CRTAC1: variants seen among roughly 807,000 people sequenced by gnomAD.
The protein encoded by CRTAC1 is cartilage acidic protein 1, also known as acidic secreted protein in cartilage.
CRTAC1 carries 37 observed loss-of-function variants against 67.8 expected under a neutral mutation model. The observed-to-expected ratio is 0.55, with a 90% CI of 0.42 to 0.72. The LOEUF (loss-of-function observed/expected upper bound fraction) is 0.72. Among genes scored for constraint, CRTAC1 ranks in the 30% least tolerant of loss-of-function variants. CRTAC1 has a pLI of 0.00. For synonymous variants in CRTAC1, 348 were observed against 371.0 expected (o/e 0.94, Z 0.71); for missense variants, 780 against 931.6 (o/e 0.84, Z 2.12).
chr10:97,953,989 G>T (rs1043824117), intron 2 of CRTAC1, among the ~76,000 whole-genome samples: 4 of 152,166 alleles, frequency 2.6e-5, no homozygotes, highest in Non-Finnish European at 5.9e-5. Flanking sequence ...TTCTCGGGAG[G>T]TGTAGCTGAA....
chr10:97,988,189 C>T (rs1042311045), intron 2 of CRTAC1, among the ~76,000 whole-genome samples: 1 of 149,174 alleles, frequency 6.7e-6, no homozygotes, highest in African/African-American at 2.5e-5. Context: ...TCTCAAGGCT[C>T]AGTTAATCTG....
intron 2 of CRTAC1, among the ~76,000 whole-genome samples, chr10:97,996,530 TGA>T (rs1294352993): frequency 6.6e-6 from 1 of 151,956 alleles, no homozygotes; most frequent in Non-Finnish European, 1.5e-5. Context: ...AAAACCACAA[TGA>T]GATACCATCT....
intron 2 of CRTAC1, among the ~76,000 whole-genome samples, chr10:97,980,611 G>A (rs1294041245): frequency 6.6e-6 from 1 of 152,210 alleles, no homozygotes; most frequent in African/African-American, 2.4e-5. Flanking sequence ...CGATCATGTA[G>A]TCCAACCTCC....
rs1564876059 is a variant in CRTAC1 at position 97,882,835 on chromosome 10, GGT to G, written c.1633-9_1633-8del. 13 of 1,614,018 alleles carry G rather than the reference GGT, an allele frequency of 8.1e-6. No individual in the cohort carries two copies. Among genetic ancestry groups the G allele is most frequent in the Non-Finnish European group, 1.0e-5 (12 of 1,179,962 alleles). The stretch of plus-strand genomic sequence containing the variant: ...GGGAGAATCCTTGGCCACACTGTAA[GGT>G]GGGCAGAAGCAGAGACATGAGTGAG... On this transcript the variant is annotated splice_polypyrimidine_tract_variant and splice_region_variant and intron_variant, in intron 12 of 14. Transcript: ENST00000370597.
chr10:97,971,553 A>G (rs1245434591), intron 2 of CRTAC1, among the ~76,000 whole-genome samples: 1 of 152,234 alleles, frequency 6.6e-6, no homozygotes, highest in Non-Finnish European at 1.5e-5. Context: ...ACAGTTTGGA[A>G]AGATGAAAAG....
chr10:97,884,431 A>T, intron 11 of CRTAC1, 80 bp from the exon 12 acceptor site: 1 of 1,283,574 alleles, frequency 7.8e-7, no homozygotes, highest in South Asian at 1.4e-5. Flanking sequence ...CAACTAATTC[A>T]TCCATTGAAT....
intron 2 of CRTAC1, among the ~76,000 whole-genome samples, chr10:97,965,252 ACT>A (rs1245870412): frequency 2.0e-5 from 3 of 152,180 alleles, no homozygotes; most frequent in African/African-American, 7.2e-5. Flanking sequence ...TTTGTATAGA[ACT>A]CTCTGTGTGC....
rs752042320 is a variant in CRTAC1 at position 97,895,327 on chromosome 10, C to T, written c.1404G>A (p.Lys468=). The change falls in exon 11 of 15, where the codon AAG becomes AAA. Residue 468 remains lysine (K), a synonymous_variant. Transcript: ENST00000370597. This position sits in a 1 kb window ranked among gnomAD's most constrained non-coding sequence, Gnocchi z 4.2. ...ARGAKVVLYT[K]KSGAHLRIID... ...TGATCCTCAGGTGGGCCCCACTCTT[C>T]TTGGTGTAGAGCACGACCTTAGCTC... 1 of 1,613,926 alleles carries T rather than the reference C, an allele frequency of 6.2e-7. No individual in the cohort carries two copies. The highest frequency in any genetic ancestry group is 1.1e-5 in the South Asian group (1 of 91,060).
intron 11 of CRTAC1, among the ~76,000 whole-genome samples, chr10:97,888,335 GA>G (rs1276520146): frequency 2.0e-5 from 3 of 152,344 alleles, no homozygotes; most frequent in Admixed American, 1.3e-4. Flanking sequence ...AAGAGTTTGT[GA>G]GGCGGAGAAG....
intron 4 of CRTAC1, among the ~76,000 whole-genome samples, chr10:97,920,969 CG>C (rs1238463728): frequency 6.6e-6 from 1 of 151,930 alleles, no homozygotes; most frequent in Non-Finnish European, 1.5e-5. Context: ...GTGGATGTTC[CG>C]GGTTTGGAGC....
chr10:97,879,608 C>A, intron 14 of CRTAC1: 1 of 1,500,396 alleles, frequency 6.7e-7, no homozygotes, highest in Non-Finnish European at 8.9e-7. Flanking sequence ...GAGAGAGAGA[C>A]AAGCAGCAGG....
At chr10:97,886,677 A>G (rs1309723458) in intron 11 of CRTAC1, among the ~76,000 whole-genome samples, 1 of 148,818 alleles carries the variant, frequency 6.7e-6, no homozygotes, top group Non-Finnish European at 1.5e-5. Context: ...TAGTATCTCA[A>G]TCTGTCACCC....
chr10:97,895,175 G>T lies in CRTAC1; in HGVS notation c.1486+70C>A. On this transcript the variant is annotated intron_variant, in intron 11 of 14. Coordinates refer to ENST00000370597, the MANE Select transcript of CRTAC1 (RefSeq NM_018058.7). This position sits in a 1 kb window ranked among gnomAD's most constrained non-coding sequence, Gnocchi z 4.2. ...AGCGGAGCGGTGCCCAAGGATGCTCGGGCTGTGAGTCCCTGAATCAGTCAG... is the reference window on the plus strand; with the variant it reads ...AGCGGAGCGGTGCCCAAGGATGCTCTGGCTGTGAGTCCCTGAATCAGTCAG... The T allele has an allele frequency of 6.7e-7, 1 of 1,494,416 alleles. No individual in the cohort carries two copies. Among genetic ancestry groups the T allele is most frequent in the Non-Finnish European group, 9.1e-7 (1 of 1,095,382 alleles). The allele number at this position is 1,494,416 out of a possible 1,614,324, so 92.6% of individuals were successfully genotyped here. A position where few individuals can be genotyped will look rare whatever the true frequency, so the allele number is the denominator to read the frequency against.
chr10:98,026,169 CCCCTA>C (rs1221400188), intron 1 of CRTAC1, among the ~76,000 whole-genome samples: 1 of 152,230 alleles, frequency 6.6e-6, no homozygotes, highest in African/African-American at 2.4e-5. Context: ...CAGCTTCGCT[CCCCTA>C]CCCTCATCAC....
chr10:97,941,554 C>T (rs903166102), intron 2 of CRTAC1, among the ~76,000 whole-genome samples: 2 of 152,144 alleles, frequency 1.3e-5, no homozygotes, highest in African/African-American at 2.4e-5. Context: ...CTACTGACCA[C>T]TCCACCCCTC....
chr10:97,897,664 G>T (rs1427702734), intron 8 of CRTAC1, among the ~76,000 whole-genome samples: 1 of 152,196 alleles, frequency 6.6e-6, no homozygotes, highest in Non-Finnish European at 1.5e-5. Context: ...GGTTCTGTTT[G>T]GAACTCTGAA....
intron 2 of CRTAC1, among the ~76,000 whole-genome samples, chr10:98,005,176 C>A (rs532332185): frequency 7.4e-6 from 1 of 134,418 alleles, no homozygotes; most frequent in Admixed American, 8.3e-5. Context: ...ATGATCTCGG[C>A]TCACTGCAAT....
At chr10:97,901,990 G>A (rs1308021036) in intron 7 of CRTAC1, among the ~76,000 whole-genome samples, 1 of 152,170 alleles carries the variant, frequency 6.6e-6, no homozygotes, top group Non-Finnish European at 1.5e-5. Flanking sequence ...GGAGAAGGAG[G>A]GGAACTGCGA....
At chr10:97,919,742 GT>G (rs985038974) in intron 4 of CRTAC1, among the ~76,000 whole-genome samples, 1 of 140,358 alleles carries the variant, frequency 7.1e-6, no homozygotes, top group Non-Finnish European at 1.5e-5. Flanking sequence ...CAAAATTGGA[GT>G]TTGAGATGCA....
Sources: gnomAD v4.1 joint callset for allele counts (sites outside exome capture counted in the v4.1 genomes callset) on GRCh38, gnomAD v4.1.1 for gene constraint, Gnocchi (gnomAD v3.1) non-coding constraint, MANE v1.5 for transcripts, NCBI Gene and HGNC (gene_info 2026-07-23, HGNC 2026-07-21) for gene names.